Variants in BRINP2 observed in about 807,000 individuals in gnomAD.
The protein encoded by BRINP2 is BMP/retinoic acid-inducible neural-specific protein 2.
BRINP2 carries 21 observed loss-of-function variants against 69.2 expected under a neutral mutation model. The ratio of observed to expected loss-of-function variants is 0.30; its 90% CI spans 0.22 to 0.44. The LOEUF (loss-of-function observed/expected upper bound fraction) is 0.44, where lower values mean the gene tolerates loss of function less well. Among genes scored for constraint, BRINP2 ranks in the 20% least tolerant of loss-of-function variants. The probability of loss-of-function intolerance (pLI) is 1.00; values close to 1 mark genes in which losing one functional copy is unlikely to be tolerated. For synonymous variants in BRINP2, 380 were observed against 394.1 expected, an observed-to-expected ratio of 0.96 and a Z score of 0.42; for missense variants, 877 against 986.0, an observed-to-expected ratio of 0.89 and a Z score of 1.48.
Position 177,203,966 on chromosome 1 carries a change from C to G in BRINP2, c.-76-25835C>G, listed in dbSNP as rs913174932. Among the ~76,000 whole-genome samples, 3 of 152,158 alleles carry G rather than the reference C, an allele frequency of 2.0e-5. No homozygotes were observed. The East Asian group carries it at 5.8e-4, about 29-fold the overall frequency. On this transcript the variant is annotated intron_variant, in intron 1 of 7. Transcript: ENST00000361539. ...TGATGCTGGAACTCAGAATTGTGGG[C>G]TAAGAGATAAGGGGACAGACCCCGC...
chr1:177,217,284 T>C (rs948453504), intron 1 of BRINP2, among the ~76,000 whole-genome samples: 10 of 152,270 alleles, frequency 6.6e-5, no homozygotes, highest in African/African-American at 2.4e-4. Context: ...TAAAGTCAGC[T>C]GTTGAAGCTT....
intron 2 of BRINP2, among the ~76,000 whole-genome samples, chr1:177,237,153 C>T (rs1008317184): frequency 2.0e-5 from 3 of 152,116 alleles, no homozygotes; most frequent in Admixed American, 6.6e-5. Flanking sequence ...GATTTATGCT[C>T]GAGCAATTGG....
At chr1:177,237,646 G>C (rs1165445547) in intron 2 of BRINP2, among the ~76,000 whole-genome samples, 1 of 152,214 alleles carries the variant, frequency 6.6e-6, no homozygotes, top group Admixed American at 6.5e-5. Context: ...GGCCAAGGGG[G>C]GAAGGGAAGA....
chr1:177,272,401 T>C (rs1385301075), intron 4 of BRINP2, among the ~76,000 whole-genome samples: 4 of 152,252 alleles, frequency 2.6e-5, no homozygotes, highest in Non-Finnish European at 1.5e-5. Flanking sequence ...GTATTATACA[T>C]GCATTCTCTT....
chr1:177,222,514 G>C (rs1270531926), intron 1 of BRINP2, among the ~76,000 whole-genome samples: 1 of 151,922 alleles, frequency 6.6e-6, no homozygotes, highest in South Asian at 2.1e-4. Context: ...GTTTCACCAG[G>C]TTGGCCAGGC....
intron 2 of BRINP2, among the ~76,000 whole-genome samples, chr1:177,242,050 C>T (rs1650220969): frequency 6.6e-6 from 1 of 152,206 alleles, no homozygotes; most frequent in Non-Finnish European, 1.5e-5. Context: ...CTTGTATCTG[C>T]TACACTCTTT....
intron 2 of BRINP2, among the ~76,000 whole-genome samples, chr1:177,242,436 C>T (rs1462853838): frequency 2.0e-5 from 3 of 152,268 alleles, no homozygotes; most frequent in Middle Eastern, 3.4e-3. Context: ...CGATGAACAC[C>T]TCCAGATTTG....
chr1:177,230,511 G>T (rs1031366822), intron 2 of BRINP2, among the ~76,000 whole-genome samples: 1 of 152,274 alleles, frequency 6.6e-6, no homozygotes, highest in Admixed American at 6.5e-5. Flanking sequence ...TTTAACTAAT[G>T]GGTTAGTTAA....
chr1:177,242,500 C>T (rs1389425874), intron 2 of BRINP2, among the ~76,000 whole-genome samples: 2 of 152,146 alleles, frequency 1.3e-5, no homozygotes, highest in Admixed American at 6.5e-5. Context: ...ATTCCCTCTA[C>T]CCCAAAAGCT....
chr1:177,233,875 A>T (rs1649936477), intron 2 of BRINP2, among the ~76,000 whole-genome samples: 1 of 152,186 alleles, frequency 6.6e-6, no homozygotes, highest in Admixed American at 6.5e-5. Context: ...GATGAAAAGC[A>T]TAGTCTTAGG....
intron 1 of BRINP2, among the ~76,000 whole-genome samples, chr1:177,200,499 T>C (rs1426313734): frequency 6.6e-6 from 1 of 151,902 alleles, no homozygotes; most frequent in African/African-American, 2.4e-5. Flanking sequence ...CACTGCTTCA[T>C]CACCACTCCA....
At position 177,281,633 on chromosome 1, in the gene BRINP2, A is replaced by G; in HGVS notation, c.*105A>G. The G allele has an allele frequency of 7.0e-7, 1 of 1,425,020 alleles. No individual in the cohort carries two copies. Among genetic ancestry groups the G allele is most frequent in the Non-Finnish European group, 9.4e-7 (1 of 1,066,574 alleles). The allele number at this position is 1,425,020 out of a possible 1,614,324, so 88.3% of individuals were successfully genotyped here. A position where few individuals can be genotyped will look rare whatever the true frequency, so the allele number is the denominator to read the frequency against. On this transcript the variant is annotated 3_prime_UTR_variant, in exon 8 of 8. Transcript: ENST00000361539. ...TGCCAACAGGGTGTGCTCCCACGAG[A>G]CTTTCAGCATCCAGTAGATGGGACC...
chr1:177,220,259 G>A (rs1444819020), intron 1 of BRINP2, among the ~76,000 whole-genome samples: 1 of 152,168 alleles, frequency 6.6e-6, no homozygotes, highest in African/African-American at 2.4e-5. Flanking sequence ...GTGTAATTTG[G>A]ATATTTGTTC....
intron 1 of BRINP2, among the ~76,000 whole-genome samples, chr1:177,193,765 T>C (rs1285449327): frequency 6.6e-6 from 1 of 152,190 alleles, no homozygotes; most frequent in Non-Finnish European, 1.5e-5. Flanking sequence ...TGTTGGGGCA[T>C]TTATAGACTC....
At chr1:177,207,451 G>A (rs1649099374) in intron 1 of BRINP2, among the ~76,000 whole-genome samples, 1 of 152,170 alleles carries the variant, frequency 6.6e-6, no homozygotes, top group Non-Finnish European at 1.5e-5. Flanking sequence ...CGGGCATGTG[G>A]AAGTCCTGTG....
chr1:177,233,786 G>T (rs1454816448), intron 2 of BRINP2, among the ~76,000 whole-genome samples: 1 of 152,210 alleles, frequency 6.6e-6, no homozygotes, highest in East Asian at 1.9e-4. Context: ...TGTGTCTAAA[G>T]TTAAGGATGG....
At chr1:177,244,116 G>A (rs1013436000) in intron 2 of BRINP2, among the ~76,000 whole-genome samples, 2 of 152,164 alleles carry the variant, frequency 1.3e-5, no homozygotes, top group Admixed American at 6.5e-5. Context: ...AGTTAAAAAT[G>A]TCAATGTCAC....
At chr1:177,220,844 T>C (rs1435497620) in intron 1 of BRINP2, among the ~76,000 whole-genome samples, 1 of 152,118 alleles carries the variant, frequency 6.6e-6, no homozygotes, top group Non-Finnish European at 1.5e-5. Context: ...GGAGTACGCC[T>C]AACCTGTGGT....
In BRINP2 at chr1:177,257,394, T is replaced by C; in HGVS notation, c.669+10T>C. On this transcript the variant is annotated intron_variant, in intron 4 of 7. Coordinates refer to ENST00000361539, the MANE Select transcript of BRINP2 (RefSeq NM_021165.4). ...CACGGGGGCCATCAAGGTAATGACC[T>C]GAGAGGTACAGGGAAGGGGATGGGG... The C allele has an allele frequency of 6.3e-7, 1 of 1,599,404 alleles. No individual in the cohort carries two copies. The highest frequency in any genetic ancestry group is 8.5e-7 in the Non-Finnish European group (1 of 1,170,948).
Sources: allele counts gnomAD v4.1 joint callset (sites outside exome capture counted in the v4.1 genomes callset), GRCh38; gene constraint gnomAD v4.1.1; transcripts MANE v1.5; gene names NCBI Gene and HGNC (gene_info 2026-07-23, HGNC 2026-07-21).